The following CNTNAP2 variants were observed in gnomAD, a reference collection of about 807,000 sequenced individuals.
CNTNAP2 encodes contactin-associated protein-like 2.
Under a neutral mutation model 155.2 loss-of-function variants are expected in CNTNAP2, and 98 were observed. The observed-to-expected ratio is 0.63, with a 90% CI of 0.54 to 0.75. The LOEUF (loss-of-function observed/expected upper bound fraction) is 0.75. Ranked by LOEUF, CNTNAP2 falls within the 30% of genes least tolerant of loss-of-function variation. The pLI is 0.00. For synonymous variants in CNTNAP2, 651 were observed against 631.2 expected (o/e 1.03, Z -0.47); for missense variants, 1,727 against 1,688.1 (o/e 1.02, Z -0.40).
intron 21 of CNTNAP2, among the ~76,000 whole-genome samples, chr7:148,338,552 G>T (rs948927802): frequency 2.0e-5 from 3 of 150,036 alleles, no homozygotes; most frequent in Non-Finnish European, 4.5e-5. Flanking sequence ...ATTGGGGCGT[G>T]GGGGGGTGAG....
At chr7:147,381,194 G>T (rs1031127130) in intron 9 of CNTNAP2, among the ~76,000 whole-genome samples, 2 of 152,064 alleles carry the variant, frequency 1.3e-5, no homozygotes, top group Non-Finnish European at 2.9e-5. Flanking sequence ...AAAAACCATA[G>T]GAATTGGGTA....
intron 3 of CNTNAP2, among the ~76,000 whole-genome samples, chr7:146,859,182 A>T (rs1795049183): frequency 6.6e-6 from 1 of 152,246 alleles, no homozygotes; most frequent in Non-Finnish European, 1.5e-5. Context: ...TTTCCTCAAC[A>T]GAGAACAAGT....
At chr7:146,587,113 C>A (rs973859936) in intron 1 of CNTNAP2, among the ~76,000 whole-genome samples, 1 of 151,686 alleles carries the variant, frequency 6.6e-6, no homozygotes, top group African/African-American at 2.4e-5. Flanking sequence ...CTATTTCTTC[C>A]AGTTTGCTTT....
chr7:148,361,922 G>C (rs2465892), intron 21 of CNTNAP2, among the ~76,000 whole-genome samples: 1 of 152,162 alleles, frequency 6.6e-6, no homozygotes, highest in African/African-American at 2.4e-5. Flanking sequence ...GCCGGGCACG[G>C]TGGCTCACGC....
chr7:146,923,368 G>C (rs916196581), intron 3 of CNTNAP2, among the ~76,000 whole-genome samples: 1 of 152,104 alleles, frequency 6.6e-6, no homozygotes, highest in Non-Finnish European at 1.5e-5. Flanking sequence ...GATGCACAAG[G>C]CATCATCTCT....
At chr7:146,302,737 G>T (rs554048657) in intron 1 of CNTNAP2, among the ~76,000 whole-genome samples, 1 of 152,074 alleles carries the variant, frequency 6.6e-6, no homozygotes, top group African/African-American at 2.4e-5. Flanking sequence ...AGCCATAAAA[G>T]TGATGAATGT....
chr7:148,413,552 G>T (rs1438650876), intron 23 of CNTNAP2, among the ~76,000 whole-genome samples: 1 of 149,828 alleles, frequency 6.7e-6, no homozygotes, highest in Admixed American at 6.7e-5. Flanking sequence ...TTTTAAGAAA[G>T]ATGTGTAGGA....
At chr7:147,449,121 A>G (rs1797789716) in intron 10 of CNTNAP2, among the ~76,000 whole-genome samples, 2 of 152,204 alleles carry the variant, frequency 1.3e-5, no homozygotes, top group Non-Finnish European at 2.9e-5. Flanking sequence ...TTTACTGTGT[A>G]AAACACTCAT....
At chr7:147,131,251 C>T (rs1801352004) in intron 7 of CNTNAP2, among the ~76,000 whole-genome samples, 1 of 150,212 alleles carries the variant, frequency 6.7e-6, no homozygotes, top group East Asian at 2.0e-4. Flanking sequence ...TATACATATA[C>T]CATATACATA....
intron 9 of CNTNAP2, among the ~76,000 whole-genome samples, chr7:147,385,315 C>G (rs932389944): frequency 6.6e-6 from 1 of 152,142 alleles, no homozygotes; most frequent in African/African-American, 2.4e-5. Flanking sequence ...CCAATCATGC[C>G]TTCCCAACAG....
At chr7:147,288,044 G>A (rs548204760) in intron 8 of CNTNAP2, among the ~76,000 whole-genome samples, 3 of 151,956 alleles carry the variant, frequency 2.0e-5, no homozygotes, top group Non-Finnish European at 2.9e-5. Flanking sequence ...TTTGCACTCT[G>A]GTCCCTTTGG....
chr7:148,098,288 A>G (rs1804014560), intron 15 of CNTNAP2, among the ~76,000 whole-genome samples: 1 of 151,860 alleles, frequency 6.6e-6, no homozygotes, highest in South Asian at 2.1e-4. Context: ...TACTAAAAAT[A>G]CAAAAATTAG....
chr7:148,107,346 C>A lies in CNTNAP2; in HGVS notation c.2384-10772C>A, dbSNP rs1297836793. On this transcript the variant is annotated intron_variant, in intron 15 of 23. Coordinates refer to ENST00000361727, the MANE Select transcript of CNTNAP2 (RefSeq NM_014141.6). ...CCCATCCCCATTCTAGCCCAAAGGA[C>A]CCGAATCACAGAGACACACAGGGTG... 2.6e-5 allele frequency among the ~76,000 whole-genome samples: 4 copies of A among 152,272 alleles called. No homozygotes were observed. The East Asian group carries it at 7.7e-4, about 29-fold the overall frequency.
intron 21 of CNTNAP2, among the ~76,000 whole-genome samples, chr7:148,296,423 T>C (rs1585251310): frequency 6.6e-6 from 1 of 151,570 alleles, no homozygotes; most frequent in Non-Finnish European, 1.5e-5. Flanking sequence ...GGCATACGCC[T>C]GTAGTCCCAG....
intron 8 of CNTNAP2, among the ~76,000 whole-genome samples, chr7:147,262,648 CA>C (rs902935069): frequency 1.3e-5 from 2 of 151,904 alleles, no homozygotes; most frequent in Admixed American, 1.3e-4. Flanking sequence ...ACTAAAAATA[CA>C]AAAAAAATTA....
chr7:146,130,475 AT>A (rs1449917617), intron 1 of CNTNAP2, among the ~76,000 whole-genome samples: 2 of 152,220 alleles, frequency 1.3e-5, no homozygotes, highest in Non-Finnish European at 2.9e-5. Flanking sequence ...CTGCCTCTTA[AT>A]AATTTTTTTA....
At position 146,839,776 on chromosome 7, in the gene CNTNAP2, C is replaced by A. The variant is rs747286104; in HGVS notation, c.274C>A (p.Arg92=). The change falls in exon 3 of 24, where the codon CGG becomes AGG. Residue 92 remains arginine, a synonymous_variant. Transcript: ENST00000361727. ...ATGGCTTCAGGTTGACTTTGGCAATCGGAAGCAGATCAGTGCCATTGCAAC... is the reference window on the plus strand; with the variant it reads ...ATGGCTTCAGGTTGACTTTGGCAATAGGAAGCAGATCAGTGCCATTGCAAC... The part of the protein sequence containing the change: ...YQWLQVDFGN[R]KQISAIATQG... 9 of 1,614,014 alleles carry A rather than the reference C, an allele frequency of 5.6e-6. No homozygotes were observed. The highest frequency in any genetic ancestry group is 7.6e-6 in the Non-Finnish European group (9 of 1,180,030).
chr7:147,548,059 A>G (rs954434595), intron 11 of CNTNAP2, among the ~76,000 whole-genome samples: 1 of 152,204 alleles, frequency 6.6e-6, no homozygotes, highest in African/African-American at 2.4e-5. Context: ...ATAGTGCTGC[A>G]GTAAACATGT....
intron 1 of CNTNAP2, among the ~76,000 whole-genome samples, chr7:146,759,110 CTG>C (rs1802041630): frequency 6.6e-6 from 1 of 151,910 alleles, no homozygotes; most frequent in Non-Finnish European, 1.5e-5. Flanking sequence ...TAAAATCTGT[CTG>C]AAAACAATTT....
Sources: gnomAD v4.1 joint callset for allele counts (sites outside exome capture counted in the v4.1 genomes callset) on GRCh38, gnomAD v4.1.1 for gene constraint, MANE v1.5 for transcripts, NCBI Gene and HGNC (gene_info 2026-07-23, HGNC 2026-07-21) for gene names.